Variants in FBXL4 observed in about 807,000 individuals in gnomAD.
FBXL4 encodes the protein F-box/LRR-repeat protein 4.
Under a neutral mutation model 58.9 loss-of-function variants are expected in FBXL4, and 40 were observed. The observed-to-expected ratio is 0.68, with a 90% confidence interval of 0.53 to 0.88. FBXL4 has a LOEUF of 0.88. Among genes scored for constraint, FBXL4 ranks in the 40% least tolerant of loss-of-function variants. The probability of loss-of-function intolerance (pLI) is 0.00; values close to 1 mark genes in which losing one functional copy is unlikely to be tolerated. For synonymous variants in FBXL4, 263 were observed against 265.5 expected (o/e 0.99, Z 0.09); for missense variants, 676 against 734.4 (o/e 0.92, Z 0.92).
At chr6:98,917,328 TC>T in intron 5 of FBXL4, 45 bp downstream of exon 5, 1 of 1,269,992 alleles carries the variant, frequency 7.9e-7, no homozygotes, top group Non-Finnish European at 1.1e-6. Context: ...AGATTAAAAA[TC>T]TATAGTGTTA....
chr6:98,924,210 G>C (rs894267087), intron 4 of FBXL4, among the ~76,000 whole-genome samples: 1 of 152,132 alleles, frequency 6.6e-6, no homozygotes, highest in Non-Finnish European at 1.5e-5. Context: ...TTGGAAAAAA[G>C]TAGGTAACTT....
intron 1 of FBXL4, among the ~76,000 whole-genome samples, chr6:98,942,448 G>T (rs974331941): frequency 6.6e-6 from 1 of 152,046 alleles, no homozygotes; most frequent in Non-Finnish European, 1.5e-5. Context: ...CATGGGGGTG[G>T]TTTCTCATGG....
intron 1 of FBXL4, among the ~76,000 whole-genome samples, chr6:98,935,258 C>CTT (rs11336857): frequency 7.3e-6 from 1 of 137,740 alleles, no homozygotes; most frequent in African/African-American, 2.7e-5. Context: ...CTGAAGGAAT[C>CTT]TTTTTTTTTT....
At chr6:98,905,400 A>T in intron 6 of FBXL4, 26 bp downstream of exon 6, 1 of 1,605,370 alleles carries the variant, frequency 6.2e-7, no homozygotes, top group Non-Finnish European at 8.5e-7. Flanking sequence ...GGGGGGAAAA[A>T]AACTTCATCA....
intron 4 of FBXL4, among the ~76,000 whole-genome samples, chr6:98,920,076 A>C (rs1772521345): frequency 6.6e-6 from 1 of 152,196 alleles, no homozygotes. Flanking sequence ...CAATAAATAA[A>C]TATGCACACA....
intron 5 of FBXL4, among the ~76,000 whole-genome samples, chr6:98,913,140 A>G (rs908467658): frequency 3.3e-5 from 5 of 152,330 alleles, no homozygotes; most frequent in African/African-American, 1.2e-4. Context: ...TCCTAAATAT[A>G]TATGCATCCA....
intron 1 of FBXL4, among the ~76,000 whole-genome samples, chr6:98,935,354 C>CA (rs1271575967): frequency 2.7e-4 from 40 of 150,690 alleles, no homozygotes; most frequent in African/African-American, 9.3e-4. Context: ...TCTTCCTGCC[C>CA]AACATGCTAT....
chr6:98,940,516 T>G (rs1562253417), intron 1 of FBXL4, among the ~76,000 whole-genome samples: 1 of 152,204 alleles, frequency 6.6e-6, no homozygotes, highest in Non-Finnish European at 1.5e-5. Context: ...GGTGATACCC[T>G]GTGGTTTTAA....
At chr6:98,940,836 A>T (rs1773405467) in intron 1 of FBXL4, among the ~76,000 whole-genome samples, 1 of 152,196 alleles carries the variant, frequency 6.6e-6, no homozygotes, top group Non-Finnish European at 1.5e-5. Context: ...ACAGTTTCAA[A>T]AGAGTAAACC....
chr6:98,939,426 A>G (rs865915482), intron 1 of FBXL4, among the ~76,000 whole-genome samples: 40 of 152,304 alleles, frequency 2.6e-4, no homozygotes, highest in Admixed American at 1.1e-3. Context: ...CTCAAATCAT[A>G]TTAGAGTCTA....
chr6:98,868,674 G>C lies in FBXL4; in HGVS notation c.*5604C>G, dbSNP rs1271137014. ...TGTACAGACAACTTCATTTGTAACA[G>C]AGACTTGTTTTATCTTTAGTGTATT... is the stretch of plus-strand genomic sequence containing the variant. On this transcript the variant is annotated 3_prime_UTR_variant, in exon 10 of 10. Transcript: ENST00000369244. The C allele has an allele frequency of 2.0e-5, 3 of 152,096 alleles. No individual in the cohort carries two copies. The highest frequency in any genetic ancestry group is 7.2e-5 in the African/African-American group (3 of 41,436). The allele number at this position is 152,096 out of a possible 1,614,324, so 9.4% of individuals were successfully genotyped here. A position where few individuals can be genotyped will look rare whatever the true frequency, so the allele number is the denominator to read the frequency against.
chr6:98,891,742 A>T (rs1005232820), intron 7 of FBXL4, among the ~76,000 whole-genome samples: 6 of 143,600 alleles, frequency 4.2e-5, no homozygotes, highest in Admixed American at 3.5e-4. Flanking sequence ...AAAAAAAAAA[A>T]TTTAAAGACA....
chr6:98,917,470 C>A lies in FBXL4; in HGVS notation c.762G>T (p.Lys254Asn), dbSNP rs953775721. The A allele has an allele frequency of 1.2e-6, 2 of 1,614,040 alleles. No individual in the cohort carries two copies. The highest frequency in any genetic ancestry group is 1.7e-6 in the Non-Finnish European group (2 of 1,179,938). ...TAAGACTGTCCATTCCACAACCATC[C>A]TTTTCTGCATAGGCATCATCTTCTA... The part of the protein sequence containing the change: ...NDIEDDAYAE[K>N]DGCGMDSLNK... Residue 254 changes from lysine (K) to asparagine (N), a missense_variant, in exon 5 of 10, where the codon AAG (lysine) becomes AAT (asparagine). Lys to Asn is a moderately conservative substitution (Grantham distance 94, BLOSUM62 0). Transcript: ENST00000369244.
At position 98,927,725 on chromosome 6, in the gene FBXL4, G is replaced by T. The variant is rs980722047; in HGVS notation, c.-93C>A. 6.6e-6 allele frequency: 1 copy of T among 152,190 alleles called. No homozygotes were observed. The highest frequency in any genetic ancestry group is 2.4e-5 in the African/African-American group (1 of 41,450). 9.4% of individuals were successfully genotyped at this position (152,190 alleles called of 1,614,324 possible). ...CTCACCCCAGATAGAATGGTCACAGGATACACATGGGAAATGCAAAAGTTG... is the reference window on the plus strand; with the variant it reads ...CTCACCCCAGATAGAATGGTCACAGTATACACATGGGAAATGCAAAAGTTG... On this transcript the variant is annotated 5_prime_UTR_variant, in exon 3 of 10. Coordinates refer to ENST00000369244, the MANE Select transcript of FBXL4 (RefSeq NM_001278716.2).
At chr6:98,879,017 A>G (rs888023401) in intron 8 of FBXL4, among the ~76,000 whole-genome samples, 3 of 152,160 alleles carry the variant, frequency 2.0e-5, no homozygotes, top group Admixed American at 6.5e-5. Flanking sequence ...GGGTTTAATA[A>G]GACCTAACCA....
At chr6:98,925,882 T>C (rs551797637) in intron 4 of FBXL4, among the ~76,000 whole-genome samples, 2 of 152,324 alleles carry the variant, frequency 1.3e-5, no homozygotes, top group East Asian at 1.9e-4. Flanking sequence ...ACAGGGTACA[T>C]GTGAGACTGC....
intron 7 of FBXL4, among the ~76,000 whole-genome samples, chr6:98,883,270 T>C (rs1002524090): frequency 1.3e-5 from 2 of 151,996 alleles, no homozygotes; most frequent in Admixed American, 6.6e-5. Flanking sequence ...TTTCTTTCCA[T>C]TGGGTTGTTT....
chr6:98,903,602 T>C (rs1771693644), intron 6 of FBXL4, among the ~76,000 whole-genome samples: 1 of 152,190 alleles, frequency 6.6e-6, no homozygotes, highest in Non-Finnish European at 1.5e-5. Flanking sequence ...AAGATCTTTA[T>C]CCATTACTAG....
At chr6:98,893,016 C>T (rs1771281192) in intron 7 of FBXL4, among the ~76,000 whole-genome samples, 1 of 152,114 alleles carries the variant, frequency 6.6e-6, no homozygotes, top group Admixed American at 6.5e-5. Flanking sequence ...CCTGGTTTTC[C>T]AGTCTGCTGC....
Sources: gnomAD v4.1 joint callset for allele counts (sites outside exome capture counted in the v4.1 genomes callset) on GRCh38, gnomAD v4.1.1 for gene constraint, MANE v1.5 for transcripts, NCBI Gene and HGNC (gene_info 2026-07-23, HGNC 2026-07-21) for gene names.